The following CNTNAP2 variants were observed in gnomAD, a reference collection of about 807,000 sequenced individuals.
The protein encoded by CNTNAP2 is contactin-associated protein-like 2.
In CNTNAP2, 98 loss-of-function variants were observed where a neutral mutation model predicts 155.2. The observed-to-expected ratio is 0.63, with a 90% CI of 0.54 to 0.75. The LOEUF (loss-of-function observed/expected upper bound fraction) is 0.75, where lower values mean the gene tolerates loss of function less well. CNTNAP2 is among the 30% of genes least tolerant of loss of function. The pLI, the probability that CNTNAP2 is intolerant of heterozygous loss-of-function variation, is 0.00. For missense variants in CNTNAP2, 1,727 were observed against 1,688.1 expected, an observed-to-expected ratio of 1.02 and a Z score of -0.40; for synonymous variants, 651 against 631.2, an observed-to-expected ratio of 1.03 and a Z score of -0.47.
intron 1 of CNTNAP2, among the ~76,000 whole-genome samples, chr7:146,653,575 C>T (rs529877191): frequency 6.6e-6 from 1 of 152,248 alleles, no homozygotes; most frequent in African/African-American, 2.4e-5. Context: ...AGGAATGTTA[C>T]ATTTTTAAAA....
chr7:146,859,671 A>G (rs1033351728), intron 3 of CNTNAP2, among the ~76,000 whole-genome samples: 4 of 128,064 alleles, frequency 3.1e-5, no homozygotes, highest in Admixed American at 3.0e-4. Flanking sequence ...AAAAAAAAAA[A>G]TATATATAAT....
intron 1 of CNTNAP2, among the ~76,000 whole-genome samples, chr7:146,442,238 G>T (rs989840332): frequency 2.6e-5 from 4 of 151,486 alleles, no homozygotes; most frequent in African/African-American, 9.8e-5. Flanking sequence ...TTATCTTCTT[G>T]CATCGAGGGT....
chr7:146,813,169 C>T (rs1338758802), intron 2 of CNTNAP2, among the ~76,000 whole-genome samples: 2 of 152,180 alleles, frequency 1.3e-5, no homozygotes, highest in Non-Finnish European at 2.9e-5. Context: ...CACTGGGGCA[C>T]TGCCTAGTGG....
At chr7:148,004,877 C>A (rs1271193016) in intron 15 of CNTNAP2, among the ~76,000 whole-genome samples, 1 of 152,188 alleles carries the variant, frequency 6.6e-6, no homozygotes, top group Non-Finnish European at 1.5e-5. Flanking sequence ...AATAATCAAG[C>A]ATCTATCTCC....
At position 146,779,173 on chromosome 7, in the gene CNTNAP2, C is replaced by G. The variant is rs570837454; in HGVS notation, c.208+4792C>G. ...CCTCTGACTGAACTTCAGCTTGAGT[C>G]TCTCAGATGTATCATTCCAGTTCTA... On this transcript the variant is annotated intron_variant, in intron 2 of 23. Coordinates refer to ENST00000361727, the MANE Select transcript of CNTNAP2 (RefSeq NM_014141.6). Among the ~76,000 whole-genome samples, 8 of 152,240 alleles carry G rather than the reference C, an allele frequency of 5.3e-5. No homozygotes were observed. The South Asian group carries it at 1.7e-3, about 32-fold the overall frequency.
At chr7:146,731,331 C>T (rs915207439) in intron 1 of CNTNAP2, among the ~76,000 whole-genome samples, 6 of 152,120 alleles carry the variant, frequency 3.9e-5, no homozygotes, top group African/African-American at 1.4e-4. Context: ...AAACACATCA[C>T]GTGGAACCAT....
chr7:146,325,480 G>T (rs1046608302), intron 1 of CNTNAP2, among the ~76,000 whole-genome samples: 1 of 151,996 alleles, frequency 6.6e-6, no homozygotes, highest in African/African-American at 2.4e-5. Context: ...ACTGAATATT[G>T]TCTTTCCTTT....
At chr7:146,765,745 A>G (rs1362822444) in intron 1 of CNTNAP2, among the ~76,000 whole-genome samples, 3 of 152,230 alleles carry the variant, frequency 2.0e-5, no homozygotes, top group South Asian at 2.1e-4. Flanking sequence ...CAATGTCTCA[A>G]TGAAGACAGA....
Position 147,395,367 on chromosome 7 carries a change from CAGT to C in CNTNAP2, c.1499-239_1499-237del, listed in dbSNP as rs374899864. Reference sequence around the variant, plus strand: ...ATGTCAAAAGAGAAAATTTGAGTGACAGTAGACCCCAGAGGCAAACATTTACCT... The same window carrying C: ...ATGTCAAAAGAGAAAATTTGAGTGACAGACCCCAGAGGCAAACATTTACCT... On this transcript the variant is annotated intron_variant, in intron 9 of 23. Transcript: ENST00000361727. Among the ~76,000 whole-genome samples, 13 of 152,068 alleles carry C rather than the reference CAGT, an allele frequency of 8.5e-5. 2 individuals carry two copies. The highest frequency in any genetic ancestry group is 3.1e-4 in the African/African-American group (13 of 41,532).
chr7:147,837,218 C>T (rs149367452), intron 13 of CNTNAP2, among the ~76,000 whole-genome samples: 35 of 152,302 alleles, frequency 2.3e-4, no homozygotes, highest in African/African-American at 8.2e-4. Flanking sequence ...GCCCCACAAT[C>T]ATGGCAGAAG....
At chr7:146,618,523 G>T (rs1044420378) in intron 1 of CNTNAP2, among the ~76,000 whole-genome samples, 13 of 152,104 alleles carry the variant, frequency 8.5e-5, no homozygotes, top group South Asian at 6.2e-4. Context: ...TTCCTATGAT[G>T]ATGAATGAGT....
intron 15 of CNTNAP2, among the ~76,000 whole-genome samples, chr7:148,096,959 C>A (rs1803984918): frequency 6.6e-6 from 1 of 152,106 alleles, no homozygotes; most frequent in African/African-American, 2.4e-5. Context: ...GCCTGACCTT[C>A]CTATAATATA....
chr7:146,680,129 G>C (rs1479440037), intron 1 of CNTNAP2, among the ~76,000 whole-genome samples: 1 of 151,966 alleles, frequency 6.6e-6, no homozygotes, highest in Non-Finnish European at 1.5e-5. Flanking sequence ...ATTTCAGTTA[G>C]GTATTATTAT....
rs142122012 is a variant in CNTNAP2, at chr7:147,128,785, C to T, written c.1032C>T (p.Gly344=). 94 of 1,613,900 alleles carry T rather than the reference C, an allele frequency of 5.8e-5. No individual in the cohort carries two copies. In the African/African-American group the frequency reaches 8.9e-4, roughly 15 times the overall value. The change falls in exon 7 of 24, where the codon GGC becomes GGT. Residue 344 remains glycine (G), a synonymous_variant. Transcript: ENST00000361727. ...KGCMESINYN[G]VNITDLARRK... ...GCATGGAAAGCATCAACTACAATGG[C>T]GTCAACATTACTGATCTTGCCAGAA... is the stretch of plus-strand genomic sequence containing the variant.
intron 8 of CNTNAP2, among the ~76,000 whole-genome samples, chr7:147,265,419 ACT>A (rs1396621165): frequency 6.6e-6 from 1 of 151,920 alleles, no homozygotes; most frequent in East Asian, 1.9e-4. Context: ...TTTAGGACAG[ACT>A]CTGACCCATC....
intron 1 of CNTNAP2, among the ~76,000 whole-genome samples, chr7:146,279,339 A>C (rs976139642): frequency 5.3e-5 from 8 of 152,072 alleles, no homozygotes. Flanking sequence ...TAAATATGGA[A>C]TAATATAAAT....
chr7:147,833,446 C>T (rs1452748832), intron 13 of CNTNAP2, among the ~76,000 whole-genome samples: 2 of 152,110 alleles, frequency 1.3e-5, no homozygotes, highest in South Asian at 2.1e-4. Flanking sequence ...TCCCTCGATG[C>T]TCCAAGGAAG....
intron 1 of CNTNAP2, among the ~76,000 whole-genome samples, chr7:146,384,773 A>C (rs56027535): frequency 6.6e-6 from 1 of 152,284 alleles, no homozygotes; most frequent in Non-Finnish European, 1.5e-5. Flanking sequence ...TAAAGTTGGG[A>C]CTATGCCTTT....
intron 1 of CNTNAP2, among the ~76,000 whole-genome samples, chr7:146,381,092 C>G (rs898651728): frequency 1.3e-5 from 2 of 152,128 alleles, no homozygotes; most frequent in East Asian, 3.9e-4. Context: ...GCCACCGCGC[C>G]CGGCCTGCAC....
Sources: gnomAD v4.1 joint callset for allele counts (sites outside exome capture counted in the v4.1 genomes callset) on GRCh38, gnomAD v4.1.1 for gene constraint, MANE v1.5 for transcripts, NCBI Gene and HGNC (gene_info 2026-07-23, HGNC 2026-07-21) for gene names.